Variants in PDE6A observed in about 807,000 individuals in gnomAD.
The protein encoded by PDE6A is rod cGMP-specific 3',5'-cyclic phosphodiesterase subunit alpha.
Under a neutral mutation model 106.3 loss-of-function variants are expected in PDE6A, and 84 were observed. The ratio of observed to expected loss-of-function variants is 0.79; its 90% CI spans 0.66 to 0.95. PDE6A has a LOEUF of 0.95. Ranked by LOEUF, PDE6A falls within the 40% of genes least tolerant of loss-of-function variation. The probability of loss-of-function intolerance (pLI) is 0.00; values close to 1 mark genes in which losing one functional copy is unlikely to be tolerated. For synonymous variants in PDE6A, 394 were observed against 386.6 expected, an observed-to-expected ratio of 1.02 and a Z score of -0.23; for missense variants, 1,052 against 1,084.9, an observed-to-expected ratio of 0.97 and a Z score of 0.43.
chr5:149,928,231 A>ATATATATATCTTTTTTTTTT, intron 4 of PDE6A, among the ~76,000 whole-genome samples: 1 of 19,754 alleles, frequency 5.1e-5, no homozygotes, highest in Non-Finnish European at 8.3e-5. Flanking sequence ...ATATATATAT[A>ATATATATATCTTTTTTTTTT]TTTTTTTTTT....
At chr5:149,924,730 G>C (rs1022450762) in intron 4 of PDE6A, among the ~76,000 whole-genome samples, 1 of 152,234 alleles carries the variant, frequency 6.6e-6, no homozygotes, top group African/African-American at 2.4e-5. Flanking sequence ...CAAGGCAGCA[G>C]GGAGTTAGTG....
intron 19 of PDE6A, chr5:149,866,756 T>C (rs1760345795): frequency 6.2e-6 from 1 of 160,420 alleles, no homozygotes; most frequent in African/African-American, 2.4e-5. Flanking sequence ...TCTTGTCTCA[T>C]AGAGATACGT....
chr5:149,872,074 C>T (rs183919913), intron 17 of PDE6A, among the ~76,000 whole-genome samples: 109 of 152,206 alleles, frequency 7.2e-4, no homozygotes, highest in African/African-American at 2.1e-3. Context: ...TCTCAGTAGA[C>T]GAACTGTCAA....
intron 13 of PDE6A, among the ~76,000 whole-genome samples, chr5:149,887,227 G>T (rs182669690): frequency 6.6e-6 from 1 of 152,182 alleles, no homozygotes; most frequent in African/African-American, 2.4e-5. Flanking sequence ...TCCAACAATA[G>T]AACACTATGC....
intron 16 of PDE6A, among the ~76,000 whole-genome samples, chr5:149,883,913 C>T (rs1184822630): frequency 6.6e-6 from 1 of 152,104 alleles, no homozygotes; most frequent in African/African-American, 2.4e-5. Context: ...TATATTGTTG[C>T]TGGGTGCAGT....
Position 149,903,712 on chromosome 5 carries a change from G to T in PDE6A, c.1066-17C>A. On this transcript the variant is annotated splice_polypyrimidine_tract_variant and intron_variant, in intron 7 of 21. Coordinates refer to ENST00000255266, the MANE Select transcript of PDE6A (RefSeq NM_000440.3). ...GTTGCAAATCTGAGAGCAGTGAAGG[G>T]GAATAATGAAGGTGTGATTAGGCCT... 1 of 1,611,314 alleles carries T rather than the reference G, an allele frequency of 6.2e-7. No homozygotes were observed. The highest frequency in any genetic ancestry group is 8.5e-7 in the Non-Finnish European group (1 of 1,177,460).
chr5:149,928,746 T>G (rs986245288), intron 4 of PDE6A, among the ~76,000 whole-genome samples: 1 of 152,192 alleles, frequency 6.6e-6, no homozygotes, highest in Non-Finnish European at 1.5e-5. Context: ...AATGCATGTA[T>G]TTGAAAGTGG....
Position 149,903,655 on chromosome 5 carries a change from GC to G in PDE6A, c.1105del (p.Ala369HisfsTer13), listed in dbSNP as rs1341414003. The G allele has an allele frequency of 6.2e-7, 1 of 1,612,758 alleles. No homozygotes were observed. Among genetic ancestry groups the G allele is most frequent in the African/African-American group, 1.3e-5 (1 of 74,878 alleles). ...IMNAPAEDFF[A>X]FQKEPLDESG... Reference sequence around the variant, plus strand: ...AAATAAAAAATGACTTACCTGAAATGCAAAAAAGTCCTCCGCAGGCGCATTC... The same window carrying G: ...AAATAAAAAATGACTTACCTGAAATGAAAAAAGTCCTCCGCAGGCGCATTC... On this transcript the variant is annotated frameshift_variant, in exon 8 of 22. Transcript: ENST00000255266. LOFTEE classifies it high-confidence loss of function.
intron 17 of PDE6A, among the ~76,000 whole-genome samples, chr5:149,881,516 A>G (rs1454579462): frequency 1.3e-5 from 2 of 152,234 alleles, no homozygotes; most frequent in Non-Finnish European, 2.9e-5. Flanking sequence ...AATACTGCAT[A>G]TTCTCACTTA....
intron 6 of PDE6A, among the ~76,000 whole-genome samples, chr5:149,907,967 G>A (rs527972276): frequency 4.1e-4 from 62 of 152,084 alleles, no homozygotes; most frequent in Admixed American, 1.4e-3. Context: ...ACTTTCCCCC[G>A]CAATCATAAC....
intron 17 of PDE6A, among the ~76,000 whole-genome samples, chr5:149,871,496 C>T (rs1760550207): frequency 6.6e-6 from 1 of 151,798 alleles, no homozygotes; most frequent in African/African-American, 2.4e-5. Flanking sequence ...TAACCATTTA[C>T]TTGCTAAAGA....
chr5:149,884,723 G>T, intron 15 of PDE6A, 57 bp downstream of exon 15: 1 of 1,523,260 alleles, frequency 6.6e-7, no homozygotes, highest in Non-Finnish European at 9.1e-7. Context: ...GGCTCCTTGT[G>T]AAATAGAGCC....
chr5:149,920,963 A>AAGAAAGAAAGAAAGG (rs1561769280), intron 5 of PDE6A, among the ~76,000 whole-genome samples: 1 of 127,252 alleles, frequency 7.9e-6, no homozygotes, highest in Admixed American at 7.8e-5. Context: ...AGAAAGAAAG[A>AAGAAAGAAAGAAAGG]AAGAAAGAAA....
chr5:149,898,256 C>T, intron 10 of PDE6A, 107 bp downstream of exon 10: 1 of 967,438 alleles, frequency 1.0e-6, no homozygotes, highest in South Asian at 1.3e-5. Flanking sequence ...TGCACAAACC[C>T]ATGCCCAGGC....
intron 18 of PDE6A, 143 bp from the exon 19 acceptor site, chr5:149,867,942 C>T: frequency 9.0e-7 from 1 of 1,105,652 alleles, no homozygotes; most frequent in South Asian, 1.2e-5. Context: ...GCTGTCATCA[C>T]TGGAGAGACG....
At chr5:149,931,261 G>A (rs1223573527) in intron 3 of PDE6A, 93 bp from the exon 4 acceptor site, 1 of 1,207,712 alleles carries the variant, frequency 8.3e-7, no homozygotes, top group Non-Finnish European at 1.2e-6. Flanking sequence ...AAAGTTGTCT[G>A]GAGTTTATTT....
At chr5:149,924,626 G>T (rs1753823007) in intron 4 of PDE6A, among the ~76,000 whole-genome samples, 1 of 152,176 alleles carries the variant, frequency 6.6e-6, no homozygotes, top group Non-Finnish European at 1.5e-5. Context: ...TGACTCGTTT[G>T]TTTCAGACCA....
chr5:149,929,442 T>G (rs1318298662), intron 4 of PDE6A, among the ~76,000 whole-genome samples: 2 of 151,940 alleles, frequency 1.3e-5, no homozygotes, highest in Non-Finnish European at 2.9e-5. Flanking sequence ...CCGTCTCTAC[T>G]AAAAATACAA....
At chr5:149,897,922 G>A (rs373942055) in intron 10 of PDE6A, among the ~76,000 whole-genome samples, 2 of 152,148 alleles carry the variant, frequency 1.3e-5, no homozygotes, top group African/African-American at 4.8e-5. Flanking sequence ...CCCCACAGGA[G>A]GGAGGCTCTG....
Sources: allele counts gnomAD v4.1 joint callset (sites outside exome capture counted in the v4.1 genomes callset), GRCh38; gene constraint gnomAD v4.1.1; transcripts MANE v1.5; gene names NCBI Gene and HGNC (gene_info 2026-07-23, HGNC 2026-07-21).